The following HECW1 variants were observed in gnomAD, a reference collection of about 807,000 sequenced individuals.
HECW1 encodes the protein HECT, C2 and WW domain containing E3 ubiquitin protein ligase 1.
In HECW1, 61 loss-of-function variants were observed where a neutral mutation model predicts 182.3. The ratio of observed to expected loss-of-function variants is 0.33; its 90% CI spans 0.27 to 0.41. The LOEUF is 0.41. Among genes scored for constraint, HECW1 ranks in the 10% least tolerant of loss-of-function variants. HECW1 has a pLI of 1.00. For synonymous variants in HECW1, 859 were observed against 832.6 expected (o/e 1.03, Z -0.55); for missense variants, 1,739 against 2,108.9 (o/e 0.82, Z 3.44).
intron 6 of HECW1, among the ~76,000 whole-genome samples, chr7:43,365,449 G>A (rs1307144641): frequency 7.4e-4 from 6 of 8,076 alleles, no homozygotes; most frequent in Non-Finnish European, 1.2e-3. Context: ...CTGAGGACAT[G>A]ACATTCCCAC....
intron 6 of HECW1, among the ~76,000 whole-genome samples, chr7:43,361,879 G>A (rs1282313609): frequency 1.7e-5 from 2 of 120,924 alleles, no homozygotes; most frequent in African/African-American, 3.2e-5. Flanking sequence ...AGTGGCTCAC[G>A]CCTGTAATCC....
rs1389229386 is a variant in HECW1 at position 43,432,174 on chromosome 7, C to G, written c.802-5829C>G. Reference sequence around the variant, plus strand: ...TTTTTTTTTGAGACGGAGTCTCGCTCTGTCGCCCGGGCTGGAGTGCAGTGG... The same window carrying G: ...TTTTTTTTTGAGACGGAGTCTCGCTGTGTCGCCCGGGCTGGAGTGCAGTGG... On this transcript the variant is annotated intron_variant, in intron 8 of 29. Coordinates refer to ENST00000395891, the MANE Select transcript of HECW1 (RefSeq NM_015052.5). The surrounding 1 kb of genome is among the most constrained non-coding windows in gnomAD (Gnocchi z 4.1). Among the ~76,000 whole-genome samples, 1 of 146,134 alleles carries G rather than the reference C, an allele frequency of 6.8e-6. No individual in the cohort carries two copies. Among genetic ancestry groups the G allele is most frequent in the Non-Finnish European group, 1.5e-5 (1 of 67,294 alleles).
chr7:43,304,755 A>G (rs188057770), intron 3 of HECW1, among the ~76,000 whole-genome samples: 2 of 152,274 alleles, frequency 1.3e-5, no homozygotes, highest in East Asian at 1.9e-4. Flanking sequence ...TGGCCTCCCA[A>G]AGTGTTGGGA....
intron 5 of HECW1, among the ~76,000 whole-genome samples, chr7:43,355,338 C>CA (rs34361756): frequency 2.0e-5 from 3 of 151,974 alleles, no homozygotes; most frequent in Non-Finnish European, 4.4e-5. Flanking sequence ...GTAGGAAGCC[C>CA]AAAAGATAAA....
intron 17 of HECW1, among the ~76,000 whole-genome samples, chr7:43,485,864 T>C (rs1585051833): frequency 6.6e-6 from 1 of 152,276 alleles, no homozygotes; most frequent in East Asian, 1.9e-4. Context: ...CACTAAATTT[T>C]TTTTATTATT....
Position 43,550,378 on chromosome 7 carries a change from A to C in HECW1, c.4249-67A>C, listed in dbSNP as rs559074734. 35 of 1,575,736 alleles carry C rather than the reference A, an allele frequency of 2.2e-5. No homozygotes were observed. The East Asian group carries it at 6.9e-4, about 31-fold the overall frequency. On this transcript the variant is annotated intron_variant, in intron 26 of 29. Coordinates refer to ENST00000395891, the MANE Select transcript of HECW1 (RefSeq NM_015052.5). ...TTTGGCATACGGTCATCCCCCTAAA[A>C]TCAGTGTGCCTCCCTGAGAGATAAG...
At chr7:43,194,884 G>T (rs1440535089) in intron 2 of HECW1, among the ~76,000 whole-genome samples, 1 of 152,054 alleles carries the variant, frequency 6.6e-6, no homozygotes, top group Admixed American at 6.6e-5. Context: ...AGTAGAGACA[G>T]GGTTTCACCA....
rs1308557853 is a variant in HECW1, at chr7:43,562,314, T to C, written c.*388T>C. ...AAGGGAAAATGTGAGCATTAAGCAC[T>C]CCAGGCTTTCATATGCCCATGTCTT... On this transcript the variant is annotated 3_prime_UTR_variant, in exon 30 of 30. Transcript: ENST00000395891. 2 of 239,332 alleles carry C rather than the reference T, an allele frequency of 8.4e-6. No individual in the cohort carries two copies. Among genetic ancestry groups the C allele is most frequent in the Non-Finnish European group, 8.2e-6 (1 of 122,260 alleles). 14.8% of individuals were successfully genotyped at this position (239,332 alleles called of 1,614,324 possible).
At chr7:43,266,438 C>A (rs1224698505) in intron 3 of HECW1, among the ~76,000 whole-genome samples, 1 of 152,172 alleles carries the variant, frequency 6.6e-6, no homozygotes, top group East Asian at 1.9e-4. Flanking sequence ...CGGGTTCAAG[C>A]AATTCTCTGC....
chr7:43,406,188 A>G (rs983169375), intron 7 of HECW1, among the ~76,000 whole-genome samples: 3 of 152,190 alleles, frequency 2.0e-5, no homozygotes, highest in Non-Finnish European at 4.4e-5. Flanking sequence ...CCCTGGGTCT[A>G]GGGAGTAACA....
intron 7 of HECW1, among the ~76,000 whole-genome samples, chr7:43,397,426 G>C (rs1173925309): frequency 6.6e-6 from 1 of 152,222 alleles, no homozygotes; most frequent in Non-Finnish European, 1.5e-5. Context: ...GCATGTCTGT[G>C]TGAAGAGAGT....
At chr7:43,274,167 C>A in intron 3 of HECW1, 1 of 438,800 alleles carries the variant, frequency 2.3e-6, no homozygotes. Flanking sequence ...CCATGAAGGC[C>A]TCGGGTGCAC....
At chr7:43,343,111 ATCTCTG>A (rs58558819) in intron 5 of HECW1, among the ~76,000 whole-genome samples, 49,391 of 151,248 alleles carry the variant, frequency 0.33, 9,243 homozygotes, top group East Asian at 0.46. Flanking sequence ...GTGCTGATCT[ATCTCTG>A]TCTAATTCAT....
At chr7:43,321,805 T>G (rs1440981641) in intron 5 of HECW1, among the ~76,000 whole-genome samples, 1 of 152,220 alleles carries the variant, frequency 6.6e-6, no homozygotes, top group Non-Finnish European at 1.5e-5. Flanking sequence ...TTCACTCCCT[T>G]GACAAACATT....
At chr7:43,369,646 T>C (rs1817081573) in intron 6 of HECW1, among the ~76,000 whole-genome samples, 1 of 152,304 alleles carries the variant, frequency 6.6e-6, no homozygotes, top group South Asian at 2.1e-4. Flanking sequence ...AAGATAAATA[T>C]ATTCATATGA....
intron 2 of HECW1, among the ~76,000 whole-genome samples, chr7:43,189,473 T>C (rs1793701783): frequency 6.6e-6 from 1 of 152,170 alleles, no homozygotes; most frequent in South Asian, 2.1e-4. Context: ...TGTGTGCAGG[T>C]CGCTTTGCTA....
intron 7 of HECW1, among the ~76,000 whole-genome samples, chr7:43,397,881 T>C (rs1278412020): frequency 1.3e-5 from 2 of 152,190 alleles, no homozygotes; most frequent in African/African-American, 4.8e-5. Flanking sequence ...ATGTTAATAA[T>C]GGGACAAACT....
intron 21 of HECW1, among the ~76,000 whole-genome samples, chr7:43,501,743 G>A (rs1373219212): frequency 6.6e-6 from 1 of 151,770 alleles, no homozygotes; most frequent in East Asian, 1.9e-4. Flanking sequence ...AAGCAGGAGG[G>A]TTCCTTGAGC....
intron 3 of HECW1, among the ~76,000 whole-genome samples, chr7:43,305,732 G>A (rs1033949773): frequency 1.3e-5 from 2 of 151,512 alleles, no homozygotes; most frequent in African/African-American, 2.4e-5. Flanking sequence ...TTCAGCAGCT[G>A]CGATTACAGG....
Sources: allele counts gnomAD v4.1 joint callset (sites outside exome capture counted in the v4.1 genomes callset), GRCh38; gene constraint gnomAD v4.1.1; non-coding constraint Gnocchi (gnomAD v3.1); transcripts MANE v1.5; gene names NCBI Gene and HGNC (gene_info 2026-07-23, HGNC 2026-07-21).